Variants in CAPN14 observed in about 807,000 individuals in gnomAD.
CAPN14 encodes the protein calpain-14.
CAPN14 carries 94 observed loss-of-function variants against 101.3 expected under a neutral mutation model. The observed-to-expected ratio is 0.93, with a 90% confidence interval of 0.79 to 1.10. The LOEUF (loss-of-function observed/expected upper bound fraction) is 1.10. Ranked by LOEUF, CAPN14 falls within the 50% of genes least tolerant of loss-of-function variation. The probability of loss-of-function intolerance (pLI) is 0.00; values close to 1 mark genes in which losing one functional copy is unlikely to be tolerated. For missense variants in CAPN14, 837 were observed against 828.4 expected (o/e 1.01, Z -0.13); for synonymous variants, 338 against 317.9 (o/e 1.06, Z -0.67).
At chr2:31,196,121 T>C (rs375141824) in intron 8 of CAPN14, among the ~76,000 whole-genome samples, 9 of 152,206 alleles carry the variant, frequency 5.9e-5, no homozygotes, top group African/African-American at 1.9e-4. Flanking sequence ...ATTGAAAACA[T>C]AATATTTAAA....
At chr2:31,206,178 G>A (rs945264719) in intron 1 of CAPN14, among the ~76,000 whole-genome samples, 6 of 151,896 alleles carry the variant, frequency 4.0e-5, no homozygotes, top group Non-Finnish European at 7.4e-5. Context: ...GATTAGCAAG[G>A]CCGCAGGGGG....
At chr2:31,191,847 TGAA>T in intron 11 of CAPN14, 85 bp downstream of exon 11, 1 of 1,265,094 alleles carries the variant, frequency 7.9e-7, no homozygotes, top group Non-Finnish European at 1.1e-6. Flanking sequence ...AGACAGATGG[TGAA>T]GAAGACAGGA....
intron 7 of CAPN14, among the ~76,000 whole-genome samples, chr2:31,198,827 G>A (rs978979706): frequency 3.3e-5 from 5 of 152,030 alleles, no homozygotes; most frequent in East Asian, 1.9e-4. Flanking sequence ...TTCTCGCCCC[G>A]TGCAAATCTA....
intron 16 of CAPN14, 77 bp from the exon 17 acceptor site, chr2:31,181,077 T>C: frequency 8.2e-7 from 1 of 1,219,592 alleles, no homozygotes; most frequent in Non-Finnish European, 1.2e-6. Flanking sequence ...GAAGAGGCAG[T>C]GCTGCATGGG....
chr2:31,216,760 A>G (rs1186182021), intron 1 of CAPN14, among the ~76,000 whole-genome samples: 1 of 152,024 alleles, frequency 6.6e-6, no homozygotes, highest in African/African-American at 2.4e-5. Context: ...AGTCCTCCAG[A>G]GCTTTGAGGA....
chr2:31,186,278 A>T, intron 16 of CAPN14, 150 bp downstream of exon 16: 1 of 472,168 alleles, frequency 2.1e-6, no homozygotes, highest in Non-Finnish European at 3.7e-6. Flanking sequence ...GCTTTTTCAG[A>T]TCACATAATC....
intron 1 of CAPN14, among the ~76,000 whole-genome samples, chr2:31,233,113 T>C (rs1486930038): frequency 1.3e-5 from 2 of 152,194 alleles, no homozygotes; most frequent in Non-Finnish European, 2.9e-5. Context: ...CCATGAAGGT[T>C]AAATAAAGCA....
chr2:31,191,428 CAG>C, intron 11 of CAPN14, 21 bp from the exon 12 acceptor site: 1 of 1,426,114 alleles, frequency 7.0e-7, no homozygotes, highest in Admixed American at 2.6e-5. Context: ...AAAACAAAAA[CAG>C]AAAAAAAAAA....
upstream of CAPN14, among the ~76,000 whole-genome samples, chr2:31,217,774 G>C (rs1268887431): frequency 6.6e-6 from 1 of 152,150 alleles, no homozygotes; most frequent in Admixed American, 6.5e-5. Context: ...ACCCTGGGGA[G>C]GGTACTTTCA....
intron 1 of CAPN14, chr2:31,226,765 C>T (rs1412461885): frequency 6.6e-6 from 1 of 152,290 alleles, no homozygotes; most frequent in Non-Finnish European, 1.5e-5. Flanking sequence ...TGGGGGCCTC[C>T]TGCTCATCTC....
At chr2:31,186,601 A>G (rs1572398048) in intron 15 of CAPN14, 116 bp from the exon 16 acceptor site, 1 of 735,344 alleles carries the variant, frequency 1.4e-6, no homozygotes, top group Admixed American at 3.2e-5. Context: ...GAACTTCACA[A>G]TGCTTTTTAA....
chr2:31,177,747 T>G lies in CAPN14; in HGVS notation c.1854A>C (p.Ala618=). 1 of 1,551,364 alleles carries G rather than the reference T, an allele frequency of 6.4e-7. No individual in the cohort carries two copies. Among genetic ancestry groups the G allele is most frequent in the Non-Finnish European group, 8.7e-7 (1 of 1,146,472 alleles). Residue 618 remains alanine (A), a splice_region_variant and synonymous_variant, in exon 19 of 22, where the codon GCA becomes GCC. Transcript: ENST00000403897. ...AGCTCCAGCTCTTCCTGTGCCTACC[T>G]GCCTCCCTCATGGCAGCGTGCAGCT... is the stretch of plus-strand genomic sequence containing the variant. ...WEQLHAAMRE[A]GIMLSDDVCQ...
At chr2:31,195,466 A>T (rs1681418901) in intron 8 of CAPN14, among the ~76,000 whole-genome samples, 2 of 152,166 alleles carry the variant, frequency 1.3e-5, no homozygotes, top group Admixed American at 6.5e-5. Context: ...CCTCCCAAAC[A>T]GCTGGGATTA....
upstream of CAPN14, among the ~76,000 whole-genome samples, chr2:31,219,014 T>C (rs368472377): frequency 4.4e-4 from 67 of 152,238 alleles, 1 homozygote; most frequent in African/African-American, 1.6e-3. Flanking sequence ...CATCTCCTCA[T>C]CCTGGCCCTT....
chr2:31,231,196 C>T (rs1249381682), intron 1 of CAPN14, among the ~76,000 whole-genome samples: 1 of 151,830 alleles, frequency 6.6e-6, no homozygotes, highest in Non-Finnish European at 1.5e-5. Flanking sequence ...AATATCTAAG[C>T]TTTTTTTTAC....
rs1683170667 is a variant in CAPN14 at position 31,230,899 on chromosome 2, TGTG to T, written c.-177+2889_-177+2891del. The stretch of plus-strand genomic sequence containing the variant: ...TTGTTTAAAGAACTCTTCCTGACTT[TGTG>T]GTGATATATATGCAATCTCTATTGC... On this transcript the variant is annotated intron_variant and NMD_transcript_variant, in intron 1 of 21. Coordinates refer to the CAPN14 transcript ENST00000398824. This position sits in a 1 kb window ranked among gnomAD's most constrained non-coding sequence, Gnocchi z 4.3. Among the ~76,000 whole-genome samples, 2 of 152,252 alleles carry T rather than the reference TGTG, an allele frequency of 1.3e-5. No individual in the cohort carries two copies. Among genetic ancestry groups the T allele is most frequent in the South Asian group, 4.1e-4 (2 of 4,834 alleles).
intron 10 of CAPN14, 112 bp downstream of exon 10, chr2:31,193,019 C>T (rs1681273216): frequency 9.2e-7 from 1 of 1,087,560 alleles, no homozygotes; most frequent in East Asian, 2.6e-5. Context: ...CAAGCAGAGC[C>T]TCCTCCCCAC....
In CAPN14 at chr2:31,186,496, A is replaced by G; in HGVS notation, c.1588-11T>C. ...ATTAATCTCTGGATGCTAAATAGAA[A>G]GCAGATTGGCAAGAAAAAATAACTG... is the stretch of plus-strand genomic sequence containing the variant. On this transcript the variant is annotated splice_polypyrimidine_tract_variant and intron_variant, in intron 15 of 21. Transcript: ENST00000403897. 1 of 1,545,136 alleles carries G rather than the reference A, an allele frequency of 6.5e-7. No homozygotes were observed. The highest frequency in any genetic ancestry group is 8.7e-7 in the Non-Finnish European group (1 of 1,144,034).
Position 31,177,078 on chromosome 2 carries a change from C to G in CAPN14, c.1920G>C (p.Gln640His), listed in dbSNP as rs771967182. The change falls in exon 20 of 22, where the codon CAG becomes CAC. Residue 640 changes from glutamine (Q) to histidine (H), a missense_variant. Transcript: ENST00000403897. Reference sequence around the variant, plus strand: ...AGTGGATGAAACTGACAAAGTCCATCTGGAGGCGGGGGCCGCCGTAGCGGA... The same window carrying G: ...AGTGGATGAAACTGACAAAGTCCATGTGGAGGCGGGGGCCGCCGTAGCGGA... ...MLIRYGGPRL[Q>H]MDFVSFIHLM... 1.3e-6 allele frequency: 2 copies of G among 1,551,554 alleles called. No homozygotes were observed. The highest frequency in any genetic ancestry group is 3.9e-5 in the Admixed American group (2 of 51,002).
Sources: allele counts gnomAD v4.1 joint callset (sites outside exome capture counted in the v4.1 genomes callset), GRCh38; gene constraint gnomAD v4.1.1; non-coding constraint Gnocchi (gnomAD v3.1); transcripts MANE v1.5; gene names NCBI Gene and HGNC (gene_info 2026-07-23, HGNC 2026-07-21).